GANAB: variants seen among roughly 807,000 people sequenced by gnomAD.
GANAB encodes neutral alpha-glucosidase AB.
Under a neutral mutation model 129.9 loss-of-function variants are expected in GANAB, and 35 were observed. That is an observed-to-expected ratio of 0.27 (90% CI 0.21 to 0.36). GANAB has a LOEUF of 0.36. Ranked by LOEUF, GANAB falls within the 10% of genes least tolerant of loss-of-function variation. The pLI is 1.00. For missense variants in GANAB, 939 were observed against 1,221.0 expected (o/e 0.77, Z 3.44); for synonymous variants, 482 against 451.8 (o/e 1.07, Z -0.85).
chr11:62,629,108 CTCTT>C, intron 16 of GANAB, 82 bp downstream of exon 16: 1 of 1,550,814 alleles, frequency 6.4e-7, no homozygotes, highest in Non-Finnish European at 8.9e-7. Context: ...ACTCTCAACT[CTCTT>C]TGCTTACAAC....
chr11:62,646,458 G>C (rs1188569268), intron 1 of GANAB, 104 bp downstream of exon 1: 1 of 1,333,014 alleles, frequency 7.5e-7, no homozygotes, highest in Non-Finnish European at 1.1e-6. Context: ...TTCCTCACGA[G>C]GCCGGGGGTG....
Position 62,627,276 on chromosome 11 carries a change from C to T in GANAB, c.2245+13G>A. ...CCAAAGCCAACCCACCACCAACTAT[C>T]CTCATTTCTCACCAAGCAAGTACTG... On this transcript the variant is annotated intron_variant, in intron 18 of 23. Coordinates refer to ENST00000356638, the MANE Select transcript of GANAB (RefSeq NM_198334.3). 6.5e-7 allele frequency: 1 copy of T among 1,542,890 alleles called. No homozygotes were observed. The highest frequency in any genetic ancestry group is 9.0e-7 in the Non-Finnish European group (1 of 1,115,026).
chr11:62,634,258 G>A (rs1450012381), intron 5 of GANAB: 1 of 1,246,122 alleles, frequency 8.0e-7, no homozygotes, highest in East Asian at 2.3e-5. Context: ...GCTAGAGTGA[G>A]GAATGGGTAA....
intron 1 of GANAB, among the ~76,000 whole-genome samples, chr11:62,641,183 A>C (rs1482081939): frequency 6.6e-6 from 1 of 151,796 alleles, no homozygotes; most frequent in Non-Finnish European, 1.5e-5. Flanking sequence ...ATCTCTACTT[A>C]AAATACAAAA....
At chr11:62,638,720 T>C (rs1944076321) in intron 4 of GANAB, among the ~76,000 whole-genome samples, 1 of 152,264 alleles carries the variant, frequency 6.6e-6, no homozygotes, top group African/African-American at 2.4e-5. Flanking sequence ...GCCTTGTTTA[T>C]TTCTGCTTAT....
rs1003939428 is a variant in GANAB, at chr11:62,640,018, G to A, written c.39-287C>T. The A allele has an allele frequency of 2.5e-5, 8 of 322,162 alleles. No homozygotes were observed. The Admixed American group carries it at 2.6e-4, about 10-fold the overall frequency. The allele number at this position is 322,162 out of a possible 1,614,324, so 20.0% of individuals were successfully genotyped here. On this transcript the variant is annotated intron_variant, in intron 1 of 23. Coordinates refer to ENST00000356638, the MANE Select transcript of GANAB (RefSeq NM_198334.3). ...TGGGAGGCTGCGGCGGGCGGATCAC[G>A]AGGTCAGGAGATCAAGACCATCCTG...
chr11:62,645,860 A>G (rs1381788481), intron 1 of GANAB, among the ~76,000 whole-genome samples: 1 of 152,204 alleles, frequency 6.6e-6, no homozygotes, highest in African/African-American at 2.4e-5. Flanking sequence ...ACCCCAGTAT[A>G]TCCGTTAGGT....
chr11:62,627,918 A>G (rs1943474883), intron 17 of GANAB, among the ~76,000 whole-genome samples: 1 of 152,234 alleles, frequency 6.6e-6, no homozygotes, highest in Admixed American at 6.5e-5. Context: ...GCCTGCCAGT[A>G]GCCTCCTTGC....
intron 5 of GANAB, 177 bp downstream of exon 5, chr11:62,634,644 C>T: frequency 3.2e-6 from 2 of 622,654 alleles, no homozygotes; most frequent in Admixed American, 2.9e-5. Context: ...CTGGTCTGTA[C>T]AGGAAATGGA....
In GANAB at chr11:62,625,473, T is replaced by TC. The variant is rs1565085773; in HGVS notation, c.*341dup. 2.5e-6 allele frequency: 1 copy of TC among 400,632 alleles called. No homozygotes were observed. Among genetic ancestry groups the TC allele is most frequent in the Non-Finnish European group, 4.8e-6 (1 of 209,880 alleles). 24.8% of individuals were successfully genotyped at this position (400,632 alleles called of 1,614,324 possible). ...ATACAAGAGGCATGAATGGATAGAC[T>TC]CTGGGGGAGTTCAGGGCTCCTAAAT... is the stretch of plus-strand genomic sequence containing the variant. On this transcript the variant is annotated 3_prime_UTR_variant, in exon 24 of 24. Coordinates refer to ENST00000356638, the MANE Select transcript of GANAB (RefSeq NM_198334.3).
chr11:62,639,697 C>A lies in GANAB; in HGVS notation c.73G>T (p.Val25Phe). ...WASLVLAFLG[V>F]CLGITLAVDR... ...ACAGCAAGGGTAATCCCCAGGCAGACCCCTAAAAAAGCCAGTACCAAAGAC... is the reference window on the plus strand; with the variant it reads ...ACAGCAAGGGTAATCCCCAGGCAGAACCCTAAAAAAGCCAGTACCAAAGAC... Residue 25 changes from valine (V) to phenylalanine (F), a missense_variant, in exon 2 of 24, where the codon GTC becomes TTC. Transcript: ENST00000356638. The A allele has an allele frequency of 1.2e-6, 2 of 1,613,944 alleles. No homozygotes were observed. The highest frequency in any genetic ancestry group is 1.7e-6 in the Non-Finnish European group (2 of 1,179,930).
Position 62,630,059 on chromosome 11 carries a change from T to C in GANAB, c.1594-102A>G, listed in dbSNP as rs1328096648. 3 of 1,390,938 alleles carry C rather than the reference T, an allele frequency of 2.2e-6. No homozygotes were observed. The African/African-American group carries it at 4.3e-5, about 20-fold the overall frequency. 86.2% of individuals were successfully genotyped at this position (1,390,938 alleles called of 1,614,324 possible). ...CCTAGGAATCTAAAAAGATGCATTT[T>C]TCAGGGCCCTCCCCGGATCATCAAG... On this transcript the variant is annotated intron_variant, in intron 13 of 23. Transcript: ENST00000356638.
chr11:62,629,063 T>A (rs1409612515), intron 16 of GANAB, 51 bp from the exon 17 acceptor site: 3 of 1,567,970 alleles, frequency 1.9e-6, no homozygotes, highest in Non-Finnish European at 2.6e-6. Context: ...GAAGGAGAGA[T>A]ACTGCTTGAG....
intron 15 of GANAB, 33 bp downstream of exon 15, chr11:62,629,555 C>A: frequency 7.0e-7 from 1 of 1,434,634 alleles, no homozygotes; most frequent in South Asian, 1.3e-5. Flanking sequence ...GCCTTCACAC[C>A]CTTCTGCCAC....
In GANAB at chr11:62,641,022, T is replaced by C. The variant is rs182536192; in HGVS notation, c.39-1291A>G. ...GCCACATCTTTCTATCGGCAAGGCA[T>C]TGGGTGGATGCAAAGTTAAAGAGCT... On this transcript the variant is annotated intron_variant, in intron 1 of 23. Transcript: ENST00000356638. Among the ~76,000 whole-genome samples, 185 of 151,720 alleles carry C rather than the reference T, an allele frequency of 1.2e-3. 1 individual carries two copies. Among genetic ancestry groups the C allele is most frequent in the Admixed American group, 0.012 (181 of 15,188 alleles).
intron 9 of GANAB, 147 bp from the exon 10 acceptor site, chr11:62,631,330 T>C: frequency 1.5e-6 from 1 of 652,856 alleles, no homozygotes; most frequent in Non-Finnish European, 2.6e-6. Flanking sequence ...GCCTCTTCAG[T>C]GAGGCTTTCC....
chr11:62,627,418 C>T, intron 17 of GANAB, 65 bp from the exon 18 acceptor site: 1 of 854,746 alleles, frequency 1.2e-6, no homozygotes. Context: ...AAATGCTCCT[C>T]CAGGAACTGG....
Position 62,639,699 on chromosome 11 carries a change from C to G in GANAB, c.71G>C (p.Gly24Ala). ...AGCAAGGGTAATCCCCAGGCAGACCCCTAAAAAAGCCAGTACCAAAGACGC... is the reference window on the plus strand; with the variant it reads ...AGCAAGGGTAATCCCCAGGCAGACCGCTAAAAAAGCCAGTACCAAAGACGC... ...SWASLVLAFL[G>A]VCLGITLAVD... Residue 24 changes from glycine (G) to alanine (A), a missense_variant, in exon 2 of 24, where the codon GGG becomes GCG. Physicochemically the swap from Gly to Ala is moderately conservative, Grantham distance 60 (BLOSUM62 0). Transcript: ENST00000356638. The G allele has an allele frequency of 6.2e-7, 1 of 1,613,854 alleles. No individual in the cohort carries two copies. The highest frequency in any genetic ancestry group is 8.5e-7 in the Non-Finnish European group (1 of 1,179,898).
rs1406130754 is a variant in GANAB, at chr11:62,632,743, C to A, written c.818G>T (p.Gly273Val). The A allele has an allele frequency of 1.2e-6, 2 of 1,612,534 alleles. No homozygotes were observed. The highest frequency in any genetic ancestry group is 8.5e-7 in the Non-Finnish European group (1 of 1,178,984). Residue 273 changes from glycine (G) to valine (V), a missense_variant and splice_region_variant, in exon 9 of 24, where the codon GGT becomes GTT. By Grantham distance (109) the Gly-to-Val change is moderately radical. Coordinates refer to ENST00000356638, the MANE Select transcript of GANAB (RefSeq NM_198334.3). ...ATTGTAGAGGCGATATGGCTCCCCA[C>A]CCCTGCAGGCAAACAGACAGACTTG... ...ADNLRLKVTE[G>V]GEPYRLYNLD... is the part of the protein sequence containing the mutation.
Sources: gnomAD v4.1 joint callset for allele counts (sites outside exome capture counted in the v4.1 genomes callset) on GRCh38, gnomAD v4.1.1 for gene constraint, MANE v1.5 for transcripts, NCBI Gene and HGNC (gene_info 2026-07-23, HGNC 2026-07-21) for gene names.